Variants in SCHIP1 observed in about 807,000 individuals in gnomAD.
The protein encoded by SCHIP1 is schwannomin interacting protein 1, also known as schwannomin-interacting protein 1.
In SCHIP1, 8 loss-of-function variants were observed where a neutral mutation model predicts 29.7. That is an observed-to-expected ratio of 0.27 (90% CI 0.16 to 0.49). The LOEUF is 0.49. Ranked by LOEUF, SCHIP1 falls within the 20% of genes least tolerant of loss-of-function variation. The pLI, the probability that SCHIP1 is intolerant of heterozygous loss-of-function variation, is 0.99. For missense variants in SCHIP1, 193 were observed against 294.6 expected, an observed-to-expected ratio of 0.66 and a Z score of 2.52; for synonymous variants, 76 against 94.9, an observed-to-expected ratio of 0.80 and a Z score of 1.16.
intron 6 of SCHIP1, among the ~76,000 whole-genome samples, chr3:159,896,494 C>T (rs368506709): frequency 1.3e-5 from 2 of 152,174 alleles, no homozygotes; most frequent in South Asian, 2.1e-4. Context: ...CTAAAAGTCT[C>T]AGATTCATCC....
the SCHIP1 span, among the ~76,000 whole-genome samples, chr3:159,397,819 C>A: frequency 2.0e-5 from 3 of 152,214 alleles, no homozygotes; most frequent in African/African-American, 7.2e-5. Context: ...CAAAGGCAGG[C>A]AGGCAGGCCT....
the SCHIP1 span, among the ~76,000 whole-genome samples, chr3:159,624,235 T>A: frequency 1.3e-5 from 2 of 152,122 alleles, no homozygotes; most frequent in African/African-American, 4.8e-5. Flanking sequence ...ATATTCCAGA[T>A]CAAGAACATG....
the SCHIP1 span, among the ~76,000 whole-genome samples, chr3:159,277,472 C>G: frequency 6.6e-6 from 1 of 151,890 alleles, no homozygotes; most frequent in Admixed American, 6.6e-5. Flanking sequence ...TTTCTGATGT[C>G]TTGGTGGAGA....
chr3:159,715,992 G>A, the SCHIP1 span, among the ~76,000 whole-genome samples: 3 of 152,266 alleles, frequency 2.0e-5, no homozygotes, highest in East Asian at 5.8e-4. Context: ...GTTAAGGGCA[G>A]CCAGAGAGAA....
the SCHIP1 span, among the ~76,000 whole-genome samples, chr3:159,761,796 A>C: frequency 6.6e-6 from 1 of 152,228 alleles, no homozygotes; most frequent in African/African-American, 2.4e-5. Flanking sequence ...TTACTTTGCC[A>C]AACATTTTTC....
chr3:159,602,980 T>A, the SCHIP1 span, among the ~76,000 whole-genome samples: 1 of 152,168 alleles, frequency 6.6e-6, no homozygotes, highest in Non-Finnish European at 1.5e-5. Context: ...CTCAATGCCA[T>A]AAGATTGTCC....
At chr3:159,581,553 C>T in the SCHIP1 span, among the ~76,000 whole-genome samples, 52 of 151,952 alleles carry the variant, frequency 3.4e-4, no homozygotes, top group African/African-American at 1.1e-3. Flanking sequence ...TTCTCACCCT[C>T]GCTAAGAGGT....
chr3:159,715,481 C>T, the SCHIP1 span, among the ~76,000 whole-genome samples: 31 of 152,082 alleles, frequency 2.0e-4, no homozygotes, highest in African/African-American at 5.5e-4. Flanking sequence ...TTGAACCCAT[C>T]GCAAAGAAGC....
At chr3:159,499,317 C>T in the SCHIP1 span, among the ~76,000 whole-genome samples, 2 of 152,302 alleles carry the variant, frequency 1.3e-5, no homozygotes, top group African/African-American at 2.4e-5. Flanking sequence ...GAAAATACTA[C>T]GATCTACTCT....
chr3:159,612,747 C>T, the SCHIP1 span, among the ~76,000 whole-genome samples: 6 of 152,090 alleles, frequency 3.9e-5, no homozygotes, highest in South Asian at 6.2e-4. Flanking sequence ...GACTGTGTCT[C>T]GACACTAAAA....
the SCHIP1 span, among the ~76,000 whole-genome samples, chr3:159,566,262 G>A: frequency 3.7e-4 from 56 of 152,260 alleles, no homozygotes; most frequent in Non-Finnish European, 2.2e-4. Context: ...AATGTTATTT[G>A]TCCTGCTTTA....
the SCHIP1 span, among the ~76,000 whole-genome samples, chr3:159,400,792 C>T: frequency 6.6e-6 from 1 of 152,142 alleles, no homozygotes; most frequent in Non-Finnish European, 1.5e-5. Flanking sequence ...CTCTAACTCC[C>T]CTTTCATTTG....
At chr3:159,886,079 G>T in intron 2 of SCHIP1, 128 bp from the exon 4 acceptor site, 1 of 837,156 alleles carries the variant, frequency 1.2e-6, no homozygotes, top group Non-Finnish European at 1.9e-6. Context: ...GAGTAATATT[G>T]GTTGCTCATT....
the SCHIP1 span, among the ~76,000 whole-genome samples, chr3:159,591,052 C>G: frequency 6.6e-6 from 1 of 151,722 alleles, no homozygotes; most frequent in Non-Finnish European, 1.5e-5. Context: ...CAAAGCCTCT[C>G]CTTATGGTTT....
chr3:159,481,202 C>A, the SCHIP1 span, among the ~76,000 whole-genome samples: 3 of 152,108 alleles, frequency 2.0e-5, no homozygotes, highest in Admixed American at 6.6e-5. Flanking sequence ...AGGCTCTAGC[C>A]CAGACCTACT....
At chr3:159,644,570 T>A in the SCHIP1 span, among the ~76,000 whole-genome samples, 1 of 152,080 alleles carries the variant, frequency 6.6e-6, no homozygotes, top group Non-Finnish European at 1.5e-5. Context: ...CACAGAAAGA[T>A]TGAAACAATT....
Position 159,896,551 on chromosome 3 carries a change from AAGAGTTCAAATC to A in SCHIP1, c.684-161_684-150del, listed in dbSNP as rs1306552040. Among the ~76,000 whole-genome samples, 3 of 152,366 alleles carry A rather than the reference AAGAGTTCAAATC, an allele frequency of 2.0e-5. No homozygotes were observed. In the East Asian group the frequency reaches 5.8e-4, roughly 29 times the overall value. Reference sequence around the variant, plus strand: ...AATCATACACAATATGTAAAAATTAAAGAGTTCAAATCAGAGTTCAAAGAGTTTGAATAAGGT... The same window carrying A: ...AATCATACACAATATGTAAAAATTAAAGAGTTCAAAGAGTTTGAATAAGGT... On this transcript the variant is annotated intron_variant, in intron 6 of 6. Coordinates refer to ENST00000445224, the Ensembl canonical transcript of SCHIP1.
At chr3:159,858,361 G>A (rs1211889636) in intron 1 of SCHIP1, among the ~76,000 whole-genome samples, 1 of 152,176 alleles carries the variant, frequency 6.6e-6, no homozygotes, top group Non-Finnish European at 1.5e-5. Flanking sequence ...AGCCATCTTT[G>A]TAGATTGCAC....
the SCHIP1 span, among the ~76,000 whole-genome samples, chr3:159,713,265 A>AAAG: frequency 1.5e-3 from 223 of 151,436 alleles, no homozygotes; most frequent in Non-Finnish European, 2.6e-3. Flanking sequence ...AGAAAGAAAG[A>AAAG]AAGAAAGAAA....
Sources: allele counts gnomAD v4.1 joint callset (sites outside exome capture counted in the v4.1 genomes callset), GRCh38; gene constraint gnomAD v4.1.1; transcripts MANE v1.5; gene names NCBI Gene and HGNC (gene_info 2026-07-23, HGNC 2026-07-21).